The following CTSS variants were observed in gnomAD, a reference collection of about 807,000 sequenced individuals.
The protein encoded by CTSS is cathepsin S.
Under a neutral mutation model 39.9 loss-of-function variants are expected in CTSS, and 15 were observed. The ratio of observed to expected loss-of-function variants is 0.38; its 90% CI spans 0.25 to 0.58. CTSS has a LOEUF of 0.58. Ranked by LOEUF, CTSS falls within the 20% of genes least tolerant of loss-of-function variation. The probability of loss-of-function intolerance (pLI) is 0.70; values close to 1 mark genes in which losing one functional copy is unlikely to be tolerated. For synonymous variants in CTSS, 126 were observed against 138.2 expected (o/e 0.91, Z 0.62); for missense variants, 250 against 398.2 (o/e 0.63, Z 3.17).
At chr1:150,733,799 C>CA (rs992468021) in intron 7 of CTSS, among the ~76,000 whole-genome samples, 7 of 151,202 alleles carry the variant, frequency 4.6e-5, no homozygotes, top group African/African-American at 1.7e-4. Flanking sequence ...CCTGATTCTA[C>CA]AAAAAAAATT....
intron 7 of CTSS, among the ~76,000 whole-genome samples, chr1:150,736,243 A>G (rs982878134): frequency 3.3e-5 from 5 of 152,206 alleles, no homozygotes; most frequent in Admixed American, 6.5e-5. Flanking sequence ...TATCTAATTT[A>G]ATCATCATCC....
At chr1:150,761,293 T>C (rs1444739378) in intron 2 of CTSS, among the ~76,000 whole-genome samples, 1 of 152,114 alleles carries the variant, frequency 6.6e-6, no homozygotes, top group Non-Finnish European at 1.5e-5. Context: ...GTCAGTAGTA[T>C]TTTTATACAC....
rs942993736 is a variant in CTSS at position 150,752,054 on chromosome 1, C to T, written c.400-46G>A. ...CAAACGCAAATCACAGAAAATCATT[C>T]GGAATGACTTCCATAACCCAAACTG... On this transcript the variant is annotated intron_variant, in intron 4 of 7. Transcript: ENST00000368985. 8.1e-6 allele frequency: 13 copies of T among 1,598,860 alleles called. No homozygotes were observed. The African/African-American group carries it at 9.4e-5, about 12-fold the overall frequency.
rs868407478 is a variant in CTSS at position 150,744,465 on chromosome 1, A to G, written c.896+3312T>C. ...ATTATATGTATATTATGTATACATA[A>G]TATATTATATATTATATGTATATTA... is the stretch of plus-strand genomic sequence containing the variant. On this transcript the variant is annotated intron_variant, in intron 7 of 7. Coordinates refer to ENST00000368985, the MANE Select transcript of CTSS (RefSeq NM_004079.5). Among the ~76,000 whole-genome samples the G allele has an allele frequency of 1.8e-3, 77 of 41,726 alleles. 2 individuals are homozygous for G. Among genetic ancestry groups the G allele is most frequent in the Non-Finnish European group, 2.4e-3 (54 of 22,436 alleles). The allele number at this position is 41,726 out of a possible 152,430, so 27.4% of individuals were successfully genotyped here.
intron 5 of CTSS, among the ~76,000 whole-genome samples, chr1:150,750,600 T>C (rs1009393637): frequency 6.6e-6 from 1 of 152,164 alleles, no homozygotes; most frequent in Admixed American, 6.6e-5. Context: ...AGTTACAAAT[T>C]CATGTTTGTT....
rs1365438926 is a variant in CTSS, at chr1:150,757,925, A to C, written c.182T>G (p.Leu61Arg). The stretch of plus-strand genomic sequence containing the variant: ...TCCCATTGAATGCTCCAGGTTGTGA[A>C]GCATCACAAACTTTAGATTCTTTTC... ...IWEKNLKFVM[L>R]HNLEHSMGMH... is the part of the protein sequence containing the mutation. Residue 61 changes from leucine to arginine, a missense_variant, in exon 3 of 8, where the codon CTT (leucine) becomes CGT (arginine). Leu to Arg is a moderately radical substitution (Grantham distance 102). Transcript: ENST00000368985. 2.5e-6 allele frequency: 4 copies of C among 1,613,752 alleles called. No homozygotes were observed. The East Asian group carries it at 8.9e-5, about 36-fold the overall frequency.
chr1:150,741,466 G>T (rs1652754692), intron 7 of CTSS, among the ~76,000 whole-genome samples: 2 of 152,084 alleles, frequency 1.3e-5, no homozygotes, highest in South Asian at 4.2e-4. Context: ...GGCATTTTTG[G>T]CTACTTACTA....
chr1:150,746,126 T>G (rs75056606), intron 7 of CTSS, among the ~76,000 whole-genome samples: 15,617 of 151,616 alleles, frequency 0.1, 1,063 homozygotes, highest in Admixed American at 0.16. Flanking sequence ...GATCATACAG[T>G]TTTTTTTTCC....
At chr1:150,755,671 C>T (rs1571104086) in intron 3 of CTSS, among the ~76,000 whole-genome samples, 1 of 151,362 alleles carries the variant, frequency 6.6e-6, no homozygotes, top group African/African-American at 2.4e-5. Context: ...GCCTGGGAGG[C>T]GGAGGTTGCA....
intron 7 of CTSS, among the ~76,000 whole-genome samples, chr1:150,737,136 CTT>C (rs1462162881): frequency 2.0e-5 from 3 of 151,666 alleles, no homozygotes; most frequent in Admixed American, 2.0e-4. Context: ...GAGTTTCACT[CTT>C]GTTGCCCAGG....
intron 7 of CTSS, among the ~76,000 whole-genome samples, chr1:150,747,497 G>T (rs1164212790): frequency 6.6e-6 from 1 of 152,032 alleles, no homozygotes; most frequent in Non-Finnish European, 1.5e-5. Context: ...AACATTTTTG[G>T]GCTAAATAGA....
chr1:150,744,769 G>T (rs1404958338), intron 7 of CTSS, among the ~76,000 whole-genome samples: 1 of 149,528 alleles, frequency 6.7e-6, no homozygotes, highest in Non-Finnish European at 1.5e-5. Context: ...AGGACAGGAT[G>T]GTTTCTTACT....
chr1:150,754,713 T>A (rs2101922529), intron 4 of CTSS, among the ~76,000 whole-genome samples: 1 of 152,114 alleles, frequency 6.6e-6, no homozygotes, highest in East Asian at 1.9e-4. Flanking sequence ...TAGGCGTGAG[T>A]GCCTGGCCTA....
intron 3 of CTSS, among the ~76,000 whole-genome samples, chr1:150,756,612 A>T (rs781219452): frequency 1.3e-5 from 2 of 151,736 alleles, no homozygotes; most frequent in African/African-American, 2.4e-5. Flanking sequence ...ATCTTAAAGG[A>T]CCACCATGGT....
Position 150,743,610 on chromosome 1 carries a change from T to TTATATATGTATATTATGTATACATAA in CTSS, c.896+4141_896+4166dup, listed in dbSNP as rs1571095790. Among the ~76,000 whole-genome samples the TTATATATGTATATTATGTATACATAA allele has an allele frequency of 1.4e-4, 14 of 97,498 alleles. 3 individuals are homozygous for TTATATATGTATATTATGTATACATAA. In the East Asian group the frequency reaches 2.9e-3, roughly 20 times the overall value. 64.0% of individuals were successfully genotyped at this position (97,498 alleles called of 152,430 possible). On this transcript the variant is annotated intron_variant, in intron 7 of 7. Coordinates refer to ENST00000368985, the MANE Select transcript of CTSS (RefSeq NM_004079.5). Reference sequence around the variant, plus strand: ...ATGTATATTATGTATACATAATATATTATATATGTATATTATGTATACATA... The same window carrying TTATATATGTATATTATGTATACATAA: ...ATGTATATTATGTATACATAATATATTATATATGTATATTATGTATACATAATATATATGTATATTATGTATACATA...
chr1:150,749,591 C>T (rs1257507335), intron 6 of CTSS, among the ~76,000 whole-genome samples: 1 of 146,982 alleles, frequency 6.8e-6, no homozygotes, highest in Admixed American at 6.9e-5. Context: ...CGCCCCGCCC[C>T]GCCCCACCTT....
At chr1:150,763,533 T>C (rs949678659) in intron 2 of CTSS, among the ~76,000 whole-genome samples, 2 of 152,198 alleles carry the variant, frequency 1.3e-5, no homozygotes, top group Non-Finnish European at 2.9e-5. Flanking sequence ...TATATTTGTA[T>C]CATAACATCA....
At chr1:150,751,101 A>G (rs1386632525) in intron 5 of CTSS, among the ~76,000 whole-genome samples, 1 of 152,180 alleles carries the variant, frequency 6.6e-6, no homozygotes, top group Non-Finnish European at 1.5e-5. Flanking sequence ...AAAATGTATA[A>G]TGAATTTCTG....
rs1300080173 is a variant in CTSS at position 150,732,902 on chromosome 1, C to T, written c.*144G>A. The T allele has an allele frequency of 5.0e-6, 3 of 597,716 alleles. No individual in the cohort carries two copies. The highest frequency in any genetic ancestry group is 6.5e-5 in the Admixed American group (2 of 30,626). The allele number at this position is 597,716 out of a possible 1,614,324, so 37.0% of individuals were successfully genotyped here. A position where few individuals can be genotyped will look rare whatever the true frequency, so the allele number is the denominator to read the frequency against. On this transcript the variant is annotated 3_prime_UTR_variant, in exon 8 of 8. Transcript: ENST00000368985. ...GGGATTACAGGCGTGAGCCACCGTG[C>T]CCGGCCTCAAACTATATTTTCTAAT...
Sources: gnomAD v4.1 joint callset for allele counts (sites outside exome capture counted in the v4.1 genomes callset) on GRCh38, gnomAD v4.1.1 for gene constraint, MANE v1.5 for transcripts, NCBI Gene and HGNC (gene_info 2026-07-23, HGNC 2026-07-21) for gene names.